ESF1: variants seen among roughly 807,000 people sequenced by gnomAD.
The protein encoded by ESF1 is ESF1 homolog.
In ESF1, 58 loss-of-function variants were observed where a neutral mutation model predicts 92.0. The ratio of observed to expected loss-of-function variants is 0.63; its 90% CI spans 0.51 to 0.78. The LOEUF (loss-of-function observed/expected upper bound fraction) is 0.78, where lower values mean the gene tolerates loss of function less well. Among genes scored for constraint, ESF1 ranks in the 30% least tolerant of loss-of-function variants. The pLI is 0.00. For synonymous variants in ESF1, 321 were observed against 313.7 expected (o/e 1.02, Z -0.24); for missense variants, 922 against 989.1 (o/e 0.93, Z 0.91).
chr20:13,761,861 G>A (rs1377147656), intron 8 of ESF1, among the ~76,000 whole-genome samples: 2 of 152,140 alleles, frequency 1.3e-5, no homozygotes, highest in Admixed American at 1.3e-4. Context: ...AAACAAATCA[G>A]AAACCTGGGT....
intron 8 of ESF1, 54 bp downstream of exon 8, chr20:13,766,723 A>T: frequency 1.1e-5 from 18 of 1,582,486 alleles, no homozygotes; most frequent in Non-Finnish European, 1.6e-5. Flanking sequence ...TTTCCCTGTA[A>T]AGCTACTGCC....
intron 11 of ESF1, among the ~76,000 whole-genome samples, chr20:13,727,175 A>G (rs2049906023): frequency 6.6e-6 from 1 of 152,200 alleles, no homozygotes; most frequent in African/African-American, 2.4e-5. Context: ...GGAAACTATA[A>G]TGCTTAGCAT....
At chr20:13,758,706 T>C (rs1005166993) in intron 9 of ESF1, among the ~76,000 whole-genome samples, 11 of 152,238 alleles carry the variant, frequency 7.2e-5, no homozygotes, top group African/African-American at 2.7e-4. Flanking sequence ...GCTAAAGAAC[T>C]GAACCCTTAT....
chr20:13,775,104 A>T, intron 4 of ESF1, 53 bp downstream of exon 4: 12 of 1,210,300 alleles, frequency 9.9e-6, no homozygotes, highest in Admixed American at 4.9e-5. Context: ...AAAAAATCAG[A>T]TTTAACTTAA....
At chr20:13,741,402 G>A (rs755848746) in intron 9 of ESF1, among the ~76,000 whole-genome samples, 16 of 152,128 alleles carry the variant, frequency 1.1e-4, no homozygotes, top group Non-Finnish European at 2.1e-4. Context: ...TGTGGTGGTC[G>A]TTAATGTTCT....
chr20:13,772,463 T>C, intron 5 of ESF1, 52 bp downstream of exon 5: 5 of 1,333,640 alleles, frequency 3.7e-6, no homozygotes, highest in Non-Finnish European at 5.4e-6. Context: ...AATTCTGAAC[T>C]AATGACATGA....
chr20:13,728,701 C>A (rs1405675333), intron 10 of ESF1, among the ~76,000 whole-genome samples: 1 of 151,658 alleles, frequency 6.6e-6, no homozygotes, highest in South Asian at 2.1e-4. Context: ...CCCATTTCTT[C>A]TAAAAATACA....
rs573439303 is a variant in ESF1 at position 13,744,390 on chromosome 20, G to A, written c.1829-10548C>T. Among the ~76,000 whole-genome samples the A allele has an allele frequency of 1.6e-3, 244 of 152,270 alleles. 2 individuals carry two copies. Among genetic ancestry groups the A allele is most frequent in the African/African-American group, 5.7e-3 (235 of 41,568 alleles). The stretch of plus-strand genomic sequence containing the variant: ...ATACATGAATAGACATTCTACATAT[G>A]AGGAAAAACAAACTGTTCCTCCTCA... On this transcript the variant is annotated intron_variant, in intron 9 of 13. Coordinates refer to ENST00000617257, the MANE Select transcript of ESF1 (RefSeq NM_001276380.2).
intron 7 of ESF1, among the ~76,000 whole-genome samples, chr20:13,767,220 T>C (rs1979468508): frequency 6.6e-6 from 1 of 152,116 alleles, no homozygotes; most frequent in Non-Finnish European, 1.5e-5. Flanking sequence ...TAAGAAAATG[T>C]ACTGGTAAAA....
At chr20:13,772,241 A>C (rs747610264) in intron 5 of ESF1, among the ~76,000 whole-genome samples, 2 of 152,074 alleles carry the variant, frequency 1.3e-5, no homozygotes, top group Admixed American at 1.3e-4. Context: ...AGGCTGAAAG[A>C]ATTCAAAAGA....
At chr20:13,757,160 T>C (rs1476803338) in intron 9 of ESF1, among the ~76,000 whole-genome samples, 3 of 152,180 alleles carry the variant, frequency 2.0e-5, no homozygotes, top group Non-Finnish European at 4.4e-5. Flanking sequence ...AGGTCAACAT[T>C]ACCCTAATAC....
chr20:13,775,771 T>A, intron 3 of ESF1, 102 bp downstream of exon 3: 1 of 1,344,544 alleles, frequency 7.4e-7, no homozygotes, highest in Non-Finnish European at 1.0e-6. Flanking sequence ...AAGAATACTA[T>A]TACCAATAAG....
intron 10 of ESF1, among the ~76,000 whole-genome samples, chr20:13,730,198 A>G (rs1191062544): frequency 2.0e-5 from 3 of 151,630 alleles, no homozygotes. Flanking sequence ...TCAGCCTCCC[A>G]AGTAGCTGGG....
chr20:13,728,023 A>G (rs114875301), intron 11 of ESF1, among the ~76,000 whole-genome samples: 1,791 of 152,366 alleles, frequency 0.012, 41 homozygotes, highest in African/African-American at 0.041. Context: ...CGCTATTAAA[A>G]ATCAGTGAAA....
At chr20:13,728,040 A>C (rs755700293) in intron 11 of ESF1, among the ~76,000 whole-genome samples, 14 of 152,354 alleles carry the variant, frequency 9.2e-5, no homozygotes, top group Admixed American at 2.6e-4. Context: ...GAAAGTACAC[A>C]AGAAAATATT....
intron 9 of ESF1, among the ~76,000 whole-genome samples, chr20:13,749,069 T>C (rs981426911): frequency 3.3e-5 from 5 of 151,462 alleles, no homozygotes; most frequent in African/African-American, 9.7e-5. Flanking sequence ...CTTCCAATTA[T>C]TATTATTTTT....
intron 8 of ESF1, among the ~76,000 whole-genome samples, chr20:13,765,793 C>T (rs190000221): frequency 8.8e-4 from 134 of 152,240 alleles, no homozygotes; most frequent in Non-Finnish European, 1.5e-3. Context: ...ATCAAAGATA[C>T]CCTAACTTCA....
intron 9 of ESF1, among the ~76,000 whole-genome samples, chr20:13,735,045 T>C (rs1337033164): frequency 6.6e-6 from 1 of 152,120 alleles, no homozygotes; most frequent in Non-Finnish European, 1.5e-5. Flanking sequence ...TCTAAAACTT[T>C]GGGCCTCTGG....
intron 6 of ESF1, 63 bp from the exon 7 acceptor site, chr20:13,770,084 C>A: frequency 3.2e-6 from 3 of 927,228 alleles, no homozygotes; most frequent in Non-Finnish European, 5.0e-6. Flanking sequence ...AGTTTAGATT[C>A]TCATCTAATT....
Sources: gnomAD v4.1 joint callset for allele counts (sites outside exome capture counted in the v4.1 genomes callset) on GRCh38, gnomAD v4.1.1 for gene constraint, MANE v1.5 for transcripts, NCBI Gene and HGNC (gene_info 2026-07-23, HGNC 2026-07-21) for gene names.